HERC4: variants seen among roughly 807,000 people sequenced by gnomAD.
HERC4 encodes probable E3 ubiquitin-protein ligase HERC4.
HERC4 carries 28 observed loss-of-function variants against 124.3 expected under a neutral mutation model. The observed-to-expected ratio is 0.23, with a 90% CI of 0.17 to 0.31. HERC4 has a LOEUF of 0.31. Ranked by LOEUF, HERC4 falls within the 10% of genes least tolerant of loss-of-function variation. The pLI is 1.00. For missense variants in HERC4, 713 were observed against 1,229.3 expected, an observed-to-expected ratio of 0.58 and a Z score of 6.28; for synonymous variants, 407 against 421.5, an observed-to-expected ratio of 0.97 and a Z score of 0.42.
chr10:67,972,858 T>G lies in HERC4; in HGVS notation c.1807-6056A>C, dbSNP rs61386005. Among the ~76,000 whole-genome samples the G allele has an allele frequency of 0.021, 3,254 of 152,248 alleles. 316 individuals are homozygous for G. In the East Asian group the frequency reaches 0.31, roughly 15 times the overall value. On this transcript the variant is annotated intron_variant, in intron 15 of 24. Coordinates refer to ENST00000373700, the MANE Select transcript of HERC4 (RefSeq NM_015601.4). ...AGTAATATAAACAACATTTTTGCTA[T>G]AAATGAGGAAATTTGAAATATGCAT...
At chr10:67,941,669 CTTTTTTTT>C (rs755666986) in intron 19 of HERC4, among the ~76,000 whole-genome samples, 4 of 91,770 alleles carry the variant, frequency 4.4e-5, no homozygotes, top group African/African-American at 8.0e-5. Flanking sequence ...TAAAACACAA[CTTTTTTTT>C]TTTTTTTTTT....
At chr10:67,989,315 A>G (rs1446995100) in intron 14 of HERC4, among the ~76,000 whole-genome samples, 1 of 152,104 alleles carries the variant, frequency 6.6e-6, no homozygotes, top group African/African-American at 2.4e-5. Flanking sequence ...GATCAAATAC[A>G]GAAGCTGAAC....
At chr10:67,995,151 G>C (rs2036790999) in intron 9 of HERC4, 2 of 407,406 alleles carry the variant, frequency 4.9e-6, no homozygotes. Context: ...ATCTAGACAG[G>C]TTTCAATCAC....
At chr10:68,050,292 T>A (rs1045541284) in intron 3 of HERC4, among the ~76,000 whole-genome samples, 15 of 152,238 alleles carry the variant, frequency 9.9e-5, no homozygotes, top group African/African-American at 3.1e-4. Flanking sequence ...TCTCAATGTG[T>A]ATTTAAATTG....
chr10:67,955,360 T>C, intron 17 of HERC4: 1 of 416,402 alleles, frequency 2.4e-6, no homozygotes, highest in Non-Finnish European at 4.2e-6. Flanking sequence ...CATAACACCA[T>C]TAGAGTAAGC....
intron 3 of HERC4, among the ~76,000 whole-genome samples, chr10:68,053,521 C>G (rs2040415746): frequency 6.6e-6 from 1 of 152,038 alleles, no homozygotes; most frequent in Non-Finnish European, 1.5e-5. Flanking sequence ...CCAGGCTAGT[C>G]TTGAACTCCT....
chr10:68,059,924 ATATTATATATTATAATAATAT>A, intron 3 of HERC4, among the ~76,000 whole-genome samples: 1 of 118,458 alleles, frequency 8.4e-6, no homozygotes, highest in Middle Eastern at 3.6e-3. Context: ...ATATATCATA[ATATTATATATTATAATAATAT>A]TATATTATAT....
chr10:68,029,649 A>C (rs1212092769), intron 7 of HERC4, among the ~76,000 whole-genome samples: 1 of 149,760 alleles, frequency 6.7e-6, no homozygotes, highest in Non-Finnish European at 1.5e-5. Flanking sequence ...GTTAGTTTTC[A>C]ATTTTTAAGG....
At chr10:67,949,085 C>T (rs1484335487) in intron 19 of HERC4, among the ~76,000 whole-genome samples, 2 of 151,532 alleles carry the variant, frequency 1.3e-5, no homozygotes, top group Non-Finnish European at 2.9e-5. Context: ...AACCCCGTTT[C>T]TACTAAAAAA....
intron 15 of HERC4, among the ~76,000 whole-genome samples, chr10:67,971,535 A>T (rs1006569348): frequency 2.0e-5 from 3 of 152,158 alleles, no homozygotes; most frequent in East Asian, 1.9e-4. Flanking sequence ...GAAAAAAATC[A>T]TCTGTTCATC....
At chr10:67,982,082 A>G (rs2035964278) in intron 15 of HERC4, among the ~76,000 whole-genome samples, 1 of 152,216 alleles carries the variant, frequency 6.6e-6, no homozygotes, top group South Asian at 2.1e-4. Flanking sequence ...CAAAATACCA[A>G]TGACATTGAT....
chr10:67,998,654 G>A (rs1362323823), intron 9 of HERC4, among the ~76,000 whole-genome samples: 2 of 151,622 alleles, frequency 1.3e-5, no homozygotes, highest in South Asian at 2.1e-4. Flanking sequence ...TCTCACTTAT[G>A]CCAGTGGTTC....
chr10:67,925,517 T>A (rs2030804913), intron 23 of HERC4, among the ~76,000 whole-genome samples: 1 of 152,162 alleles, frequency 6.6e-6, no homozygotes, highest in African/African-American at 2.4e-5. Context: ...AAAATTCCCT[T>A]TCTCTGTATT....
At chr10:68,016,774 C>T (rs554106043) in intron 8 of HERC4, among the ~76,000 whole-genome samples, 6 of 152,232 alleles carry the variant, frequency 3.9e-5, no homozygotes, top group African/African-American at 1.4e-4. Flanking sequence ...ATTTTACCCC[C>T]GATCCAACAG....
At chr10:67,990,663 T>C (rs1056497972) in intron 13 of HERC4, among the ~76,000 whole-genome samples, 6 of 152,134 alleles carry the variant, frequency 3.9e-5, no homozygotes, top group African/African-American at 1.4e-4. Flanking sequence ...TCTACCTCTA[T>C]AACCATACAC....
chr10:67,969,881 A>G (rs983769629), intron 15 of HERC4, among the ~76,000 whole-genome samples: 2 of 152,070 alleles, frequency 1.3e-5, no homozygotes. Context: ...ACCAAGAACC[A>G]TTTCTGTTCC....
intron 19 of HERC4, among the ~76,000 whole-genome samples, chr10:67,945,205 C>T (rs1382777916): frequency 1.3e-5 from 2 of 149,482 alleles, no homozygotes; most frequent in Non-Finnish European, 3.0e-5. Flanking sequence ...CTGAAAGCAG[C>T]AAGAGAAAAG....
intron 8 of HERC4, among the ~76,000 whole-genome samples, chr10:68,016,049 G>A (rs567101632): frequency 6.6e-5 from 10 of 152,216 alleles, no homozygotes; most frequent in African/African-American, 2.4e-4. Context: ...GTTGCAGTGA[G>A]CCAAGATTCT....
intron 9 of HERC4, among the ~76,000 whole-genome samples, chr10:68,008,653 A>G (rs890252920): frequency 2.0e-5 from 3 of 152,222 alleles, no homozygotes; most frequent in African/African-American, 7.2e-5. Context: ...TTCTTAAAAA[A>G]TAGAAAATAA....
Sources: allele counts gnomAD v4.1 joint callset (sites outside exome capture counted in the v4.1 genomes callset), GRCh38; gene constraint gnomAD v4.1.1; transcripts MANE v1.5; gene names NCBI Gene and HGNC (gene_info 2026-07-23, HGNC 2026-07-21).